The following SRRM4 variants were observed in gnomAD, a reference collection of about 807,000 sequenced individuals.
The protein encoded by SRRM4 is serine/arginine repetitive matrix 4.
In SRRM4, 33 loss-of-function variants were observed where a neutral mutation model predicts 68.9. That is an observed-to-expected ratio of 0.48 (90% CI 0.36 to 0.64). The LOEUF (loss-of-function observed/expected upper bound fraction) is 0.64, where lower values mean the gene tolerates loss of function less well. Among genes scored for constraint, SRRM4 ranks in the 30% least tolerant of loss-of-function variants. The probability of loss-of-function intolerance (pLI) is 0.00; values close to 1 mark genes in which losing one functional copy is unlikely to be tolerated. For synonymous variants in SRRM4, 318 were observed against 318.8 expected, an observed-to-expected ratio of 1.00 and a Z score of 0.03; for missense variants, 817 against 827.1, an observed-to-expected ratio of 0.99 and a Z score of 0.15.
intron 1 of SRRM4, among the ~76,000 whole-genome samples, chr12:119,021,274 A>T (rs1158209523): frequency 6.6e-6 from 1 of 152,200 alleles, no homozygotes; most frequent in Non-Finnish European, 1.5e-5. Flanking sequence ...TTAAGGAAAA[A>T]AAAGAAGTGA....
At chr12:119,047,263 C>A (rs576965412) in intron 1 of SRRM4, among the ~76,000 whole-genome samples, 80 of 152,268 alleles carry the variant, frequency 5.3e-4, no homozygotes, top group African/African-American at 1.9e-3. Flanking sequence ...CACAATAATG[C>A]TGTGTAACAA....
Position 119,156,944 on chromosome 12 carries a change from T to C in SRRM4, c.*146T>C, listed in dbSNP as rs1440376976. ...TGCCTAGGGGAAGAGGAGAAGAGGG[T>C]AAGGGGGCTTCACTCTCTAGATCAG... On this transcript the variant is annotated 3_prime_UTR_variant, in exon 13 of 13. Transcript: ENST00000267260. 1 of 1,029,726 alleles carries C rather than the reference T, an allele frequency of 9.7e-7. No homozygotes were observed. The highest frequency in any genetic ancestry group is 1.6e-5 in the African/African-American group (1 of 61,562). The allele number at this position is 1,029,726 out of a possible 1,614,324, so 63.8% of individuals were successfully genotyped here. A position where few individuals can be genotyped will look rare whatever the true frequency, so the allele number is the denominator to read the frequency against.
rs1245734054 is a variant in SRRM4 at position 119,154,498 on chromosome 12, C to A, written c.1532+115C>A. 8.2e-7 allele frequency: 1 copy of A among 1,222,864 alleles called. No homozygotes were observed. The highest frequency in any genetic ancestry group is 1.5e-5 in the African/African-American group (1 of 65,892). 75.8% of individuals were successfully genotyped at this position (1,222,864 alleles called of 1,614,324 possible). On this transcript the variant is annotated intron_variant, in intron 12 of 12. Transcript: ENST00000267260. The surrounding 1 kb of genome is among the most constrained non-coding windows in gnomAD (Gnocchi z 4.7). ...CTTGGGGCTGGGATTTAGGATTGTGCGAGCTTATGGTCCCCCCAACCCCAA... is the reference window on the plus strand; with the variant it reads ...CTTGGGGCTGGGATTTAGGATTGTGAGAGCTTATGGTCCCCCCAACCCCAA...
intron 1 of SRRM4, among the ~76,000 whole-genome samples, chr12:118,985,903 T>A (rs1353731163): frequency 2.0e-5 from 3 of 152,238 alleles, no homozygotes; most frequent in Non-Finnish European, 2.9e-5. Context: ...TATGGATGCA[T>A]GAGTGTTAGT....
intron 2 of SRRM4, among the ~76,000 whole-genome samples, chr12:119,104,169 A>T (rs1199730975): frequency 6.6e-6 from 1 of 152,164 alleles, no homozygotes; most frequent in Non-Finnish European, 1.5e-5. Flanking sequence ...CAAGGTCAGG[A>T]TGAGGATTAA....
Position 119,160,890 on chromosome 12 carries a change from T to G in SRRM4, c.*4092T>G, listed in dbSNP as rs1186556590. 1 of 152,234 alleles carries G rather than the reference T, an allele frequency of 6.6e-6. No homozygotes were observed. The highest frequency in any genetic ancestry group is 1.9e-4 in the East Asian group (1 of 5,196). 9.4% of individuals were successfully genotyped at this position (152,234 alleles called of 1,614,324 possible). A position where few individuals can be genotyped will look rare whatever the true frequency, so the allele number is the denominator to read the frequency against. On this transcript the variant is annotated 3_prime_UTR_variant, in exon 13 of 13. Transcript: ENST00000267260. ...GGCTAAGTAACTCAAAGCCCCCTATTAGTAACATTCTGGTTCACTGAGGTT... is the reference window on the plus strand; with the variant it reads ...GGCTAAGTAACTCAAAGCCCCCTATGAGTAACATTCTGGTTCACTGAGGTT...
chr12:119,148,659 G>C (rs1374718433), intron 9 of SRRM4, among the ~76,000 whole-genome samples: 1 of 152,202 alleles, frequency 6.6e-6, no homozygotes, highest in African/African-American at 2.4e-5. Context: ...GAGAAACTCA[G>C]TTAATAAGTG....
chr12:118,985,948 A>G (rs1474264316), intron 1 of SRRM4, among the ~76,000 whole-genome samples: 1 of 152,228 alleles, frequency 6.6e-6, no homozygotes, highest in Non-Finnish European at 1.5e-5. Context: ...TAAGTAGAAC[A>G]CACATTTTCC....
rs1398843295 is a variant in SRRM4 at position 119,151,208 on chromosome 12, C to A, written c.1268C>A (p.Ser423Tyr). ...SPRYTQSRST[S>Y]SEKRSYSRSP... ...AGGTACACCCAAAGCCGATCCACCT[C>A]TTCTGAAAAAAGGTGAGTGTGGTTT... The change falls in exon 10 of 13, where the codon TCT (serine) becomes TAT (tyrosine). Residue 423 changes from serine (S) to tyrosine (Y), a missense_variant. Coordinates refer to ENST00000267260, the MANE Select transcript of SRRM4 (RefSeq NM_194286.4). 1 of 1,613,752 alleles carries A rather than the reference C, an allele frequency of 6.2e-7. No individual in the cohort carries two copies. Among genetic ancestry groups the A allele is most frequent in the East Asian group, 2.2e-5 (1 of 44,880 alleles).
chr12:119,114,381 G>T lies in SRRM4; in HGVS notation c.365+17G>T. The T allele has an allele frequency of 6.3e-7, 1 of 1,592,354 alleles. No individual in the cohort carries two copies. The highest frequency in any genetic ancestry group is 8.6e-7 in the Non-Finnish European group (1 of 1,167,464). On this transcript the variant is annotated intron_variant, in intron 3 of 12. Coordinates refer to ENST00000267260, the MANE Select transcript of SRRM4 (RefSeq NM_194286.4). ...GAGAAGGAGGTAAGAGCACCAAGAGGGAGATAAAACCTGTAAGATGCAGGC... is the reference window on the plus strand; with the variant it reads ...GAGAAGGAGGTAAGAGCACCAAGAGTGAGATAAAACCTGTAAGATGCAGGC...
intron 1 of SRRM4, among the ~76,000 whole-genome samples, chr12:119,097,631 G>T (rs995118151): frequency 6.6e-6 from 1 of 152,188 alleles, no homozygotes; most frequent in Non-Finnish European, 1.5e-5. Flanking sequence ...ACATCAGAGG[G>T]TATAAAGTTA....
At chr12:119,123,985 G>A (rs150982621) in intron 6 of SRRM4, among the ~76,000 whole-genome samples, 68 of 152,290 alleles carry the variant, frequency 4.5e-4, no homozygotes, top group South Asian at 2.5e-3. Context: ...CATCTAAGCC[G>A]CAGGTGAGGA....
intron 1 of SRRM4, among the ~76,000 whole-genome samples, chr12:119,069,388 GA>G (rs1247430584): frequency 6.6e-6 from 1 of 152,166 alleles, no homozygotes; most frequent in Non-Finnish European, 1.5e-5. Flanking sequence ...GAAGTAGCTC[GA>G]CCAGCATGGG....
chr12:119,149,305 G>A lies in SRRM4; in HGVS notation c.1077-1712G>A, dbSNP rs58709127. 5.9e-3 allele frequency among the ~76,000 whole-genome samples: 903 copies of A among 152,256 alleles called. 11 individuals are homozygous for A. The highest frequency in any genetic ancestry group is 0.021 in the African/African-American group (863 of 41,554). On this transcript the variant is annotated intron_variant, in intron 9 of 12. Transcript: ENST00000267260. ...GGAGGTTGCAGTCAGCCAAGATCAC[G>A]TCACTGCACTCCAGCCTGGCGACAG...
At chr12:119,003,183 T>C (rs1565887085) in intron 1 of SRRM4, among the ~76,000 whole-genome samples, 1 of 151,854 alleles carries the variant, frequency 6.6e-6, no homozygotes, top group Non-Finnish European at 1.5e-5. Context: ...GAAAGAAGGC[T>C]AGGCTTGGGC....
intron 1 of SRRM4, among the ~76,000 whole-genome samples, chr12:119,098,921 C>T (rs902227183): frequency 1.3e-5 from 2 of 152,160 alleles, no homozygotes; most frequent in Admixed American, 6.5e-5. Flanking sequence ...CTATTGCAAC[C>T]ATTTCCCCAT....
chr12:119,042,085 T>C (rs923219735), intron 1 of SRRM4, among the ~76,000 whole-genome samples: 2 of 151,554 alleles, frequency 1.3e-5, no homozygotes, highest in Admixed American at 6.6e-5. Flanking sequence ...ATGACAAGAG[T>C]CTTAGAAAGA....
intron 9 of SRRM4, among the ~76,000 whole-genome samples, chr12:119,146,455 A>G (rs970432463): frequency 2.0e-5 from 3 of 151,886 alleles, no homozygotes; most frequent in African/African-American, 7.3e-5. Context: ...GTGTGGTGGT[A>G]CATGCCTGTA....
intron 1 of SRRM4, among the ~76,000 whole-genome samples, chr12:119,077,053 G>T (rs769948459): frequency 6.6e-6 from 1 of 150,834 alleles, no homozygotes; most frequent in Non-Finnish European, 1.5e-5. Flanking sequence ...ATCTCTTGCA[G>T]TTCTCCTGAG....
Sources: allele counts gnomAD v4.1 joint callset (sites outside exome capture counted in the v4.1 genomes callset), GRCh38; gene constraint gnomAD v4.1.1; non-coding constraint Gnocchi (gnomAD v3.1); transcripts MANE v1.5; gene names NCBI Gene and HGNC (gene_info 2026-07-23, HGNC 2026-07-21).